NUCKS1: variants seen among roughly 807,000 people sequenced by gnomAD.
NUCKS1 encodes the protein nuclear casein kinase and cyclin dependent kinase substrate 1, also known as nuclear ubiquitous casein and cyclin-dependent kinase substrate 1.
A neutral mutation model predicts 33.0 loss-of-function variants in NUCKS1; 2 were observed. The observed-to-expected ratio is 0.06, with a 90% CI of 0.02 to 0.19. The LOEUF is 0.19. Ranked by LOEUF, NUCKS1 falls within the 10% of genes least tolerant of loss-of-function variation. NUCKS1 has a pLI of 1.00. For missense variants in NUCKS1, 201 were observed against 293.6 expected, an observed-to-expected ratio of 0.68 and a Z score of 2.31; for synonymous variants, 106 against 102.8, an observed-to-expected ratio of 1.03 and a Z score of -0.19.
chr1:205,736,444 C>T (rs745536399), intron 1 of NUCKS1, among the ~76,000 whole-genome samples: 1 of 152,084 alleles, frequency 6.6e-6, no homozygotes, highest in African/African-American at 2.4e-5. Flanking sequence ...TCTAATTCAA[C>T]CTTTAGCTTG....
At chr1:205,741,490 C>T (rs1362204415) in intron 1 of NUCKS1, among the ~76,000 whole-genome samples, 3 of 151,886 alleles carry the variant, frequency 2.0e-5, no homozygotes, top group East Asian at 3.9e-4. Context: ...GTCTCAGATG[C>T]GAAATTACTG....
At chr1:205,742,617 G>C (rs764764919) in intron 1 of NUCKS1, among the ~76,000 whole-genome samples, 1 of 152,174 alleles carries the variant, frequency 6.6e-6, no homozygotes, top group African/African-American at 2.4e-5. Flanking sequence ...AAGGTCAGGG[G>C]ATCGAGACCA....
intron 3 of NUCKS1, 43 bp downstream of exon 3, chr1:205,727,657 G>C (rs747838464): frequency 2.3e-6 from 3 of 1,280,242 alleles, no homozygotes; most frequent in Non-Finnish European, 3.4e-6. Flanking sequence ...TCATCTCAGA[G>C]TGGTAACAGT....
chr1:205,743,863 T>C (rs1654244154), intron 1 of NUCKS1, among the ~76,000 whole-genome samples: 1 of 152,248 alleles, frequency 6.6e-6, no homozygotes, highest in South Asian at 2.1e-4. Flanking sequence ...GCTAATTGTC[T>C]GTTTAGCATT....
intron 1 of NUCKS1, among the ~76,000 whole-genome samples, chr1:205,731,924 A>G (rs1459029508): frequency 6.6e-6 from 1 of 152,022 alleles, no homozygotes; most frequent in African/African-American, 2.4e-5. Context: ...TAAGATAAAT[A>G]TACATTACCA....
chr1:205,719,752 G>T, intron 5 of NUCKS1, 76 bp from the exon 6 acceptor site: 2 of 1,491,968 alleles, frequency 1.3e-6, no homozygotes, highest in Admixed American at 4.2e-5. Flanking sequence ...AGAGTGCTAA[G>T]AATGACTAGA....
Position 205,729,628 on chromosome 1 carries a change from AAAG to A in NUCKS1, c.18-10_18-8del. ...ATCAACAACCTTCCTATTTCTGTAG[AAAG>A]AAGAGACTCTAATTAAAATCATAAA... On this transcript the variant is annotated splice_region_variant and splice_polypyrimidine_tract_variant and intron_variant, in intron 1 of 6. Coordinates refer to ENST00000367142, the MANE Select transcript of NUCKS1 (RefSeq NM_022731.5). The A allele has an allele frequency of 6.3e-7, 1 of 1,591,840 alleles. No homozygotes were observed. The highest frequency in any genetic ancestry group is 1.1e-5 in the South Asian group (1 of 90,510).
chr1:205,724,950 T>C (rs1000205082), intron 3 of NUCKS1, among the ~76,000 whole-genome samples: 1 of 152,198 alleles, frequency 6.6e-6, no homozygotes, highest in Non-Finnish European at 1.5e-5. Context: ...AATGGAAAGT[T>C]TTTAAAAACA....
chr1:205,732,872 GA>G (rs1289410434), intron 1 of NUCKS1, among the ~76,000 whole-genome samples: 1 of 149,334 alleles, frequency 6.7e-6, no homozygotes, highest in Non-Finnish European at 1.5e-5. Flanking sequence ...ATATGACTAT[GA>G]AAAAATCTAA....
intron 1 of NUCKS1, among the ~76,000 whole-genome samples, chr1:205,734,722 C>T (rs1200872417): frequency 6.6e-6 from 1 of 151,954 alleles, no homozygotes; most frequent in Non-Finnish European, 1.5e-5. Context: ...GGTGAAACCC[C>T]ATCTCCACTA....
intron 1 of NUCKS1, among the ~76,000 whole-genome samples, chr1:205,736,555 T>C (rs1449175392): frequency 1.3e-5 from 2 of 151,998 alleles, no homozygotes; most frequent in Non-Finnish European, 2.9e-5. Context: ...CCAGGTGTGG[T>C]GGCTCACCCC....
intron 1 of NUCKS1, among the ~76,000 whole-genome samples, chr1:205,740,104 G>C (rs763297194): frequency 1.6e-4 from 22 of 137,982 alleles, no homozygotes; most frequent in Non-Finnish European, 2.7e-4. Context: ...CCAGGTTCCA[G>C]CGATTCTCCT....
chr1:205,742,965 C>T (rs1183383341), intron 1 of NUCKS1, among the ~76,000 whole-genome samples: 1 of 152,214 alleles, frequency 6.6e-6, no homozygotes, highest in Non-Finnish European at 1.5e-5. Context: ...AATACGGTCA[C>T]ATTCCTTTTA....
chr1:205,719,454 AT>A (rs1180402675), intron 6 of NUCKS1, 72 bp downstream of exon 6: 2 of 1,466,414 alleles, frequency 1.4e-6, no homozygotes, highest in African/African-American at 2.8e-5. Flanking sequence ...CTAATGAGGA[AT>A]TTCTGTATTG....
chr1:205,714,812 C>T lies in NUCKS1; in HGVS notation c.*3468G>A, dbSNP rs557619104. ...GCCATGAAGACCAGAGCCCAGGTTT[C>T]TTCCTTTTCAAATTCTTAAGGTGAA... On this transcript the variant is annotated 3_prime_UTR_variant, in exon 7 of 7. Transcript: ENST00000367142. The T allele has an allele frequency of 3.9e-5, 6 of 152,304 alleles. No homozygotes were observed. In the South Asian group the frequency reaches 6.2e-4, roughly 16 times the overall value. The allele number at this position is 152,304 out of a possible 1,614,324, so 9.4% of individuals were successfully genotyped here.
intron 1 of NUCKS1, among the ~76,000 whole-genome samples, chr1:205,737,920 C>G (rs1254540128): frequency 6.6e-6 from 1 of 152,204 alleles, no homozygotes. Context: ...TCAGTATTAC[C>G]ACCCCAATAA....
chr1:205,719,720 T>A (rs375968097), intron 5 of NUCKS1, 44 bp from the exon 6 acceptor site: 9 of 1,579,614 alleles, frequency 5.7e-6, no homozygotes, highest in Non-Finnish European at 6.9e-6. Context: ...AATGTACACA[T>A]CCTTCCAAGT....
At chr1:205,722,303 C>G (rs1287144153) in intron 4 of NUCKS1, among the ~76,000 whole-genome samples, 6 of 152,092 alleles carry the variant, frequency 3.9e-5, no homozygotes, top group Non-Finnish European at 5.9e-5. Flanking sequence ...CTTGCTTAGG[C>G]TGGAGTACAA....
intron 3 of NUCKS1, among the ~76,000 whole-genome samples, chr1:205,724,503 G>A (rs992704240): frequency 2.0e-5 from 3 of 152,152 alleles, no homozygotes; most frequent in African/African-American, 7.2e-5. Context: ...AGACCAGCCT[G>A]GCTAACATGG....
Sources: gnomAD v4.1 joint callset for allele counts (sites outside exome capture counted in the v4.1 genomes callset) on GRCh38, gnomAD v4.1.1 for gene constraint, MANE v1.5 for transcripts, NCBI Gene and HGNC (gene_info 2026-07-23, HGNC 2026-07-21) for gene names.